The following SLC6A12 variants were observed in gnomAD, a reference collection of about 807,000 sequenced individuals.
SLC6A12 encodes sodium- and chloride-dependent betaine transporter.
Under a neutral mutation model 73.3 loss-of-function variants are expected in SLC6A12, and 50 were observed. That is an observed-to-expected ratio of 0.68 (90% CI 0.54 to 0.86). The LOEUF is 0.86. Ranked by LOEUF, SLC6A12 falls within the 40% of genes least tolerant of loss-of-function variation. The pLI, the probability that SLC6A12 is intolerant of heterozygous loss-of-function variation, is 0.00. For synonymous variants in SLC6A12, 304 were observed against 309.2 expected, an observed-to-expected ratio of 0.98 and a Z score of 0.18; for missense variants, 648 against 772.8, an observed-to-expected ratio of 0.84 and a Z score of 1.92.
chr12:191,249 G>A, intron 15 of SLC6A12, 38 bp from the exon 16 acceptor site: 3 of 1,257,220 alleles, frequency 2.4e-6, no homozygotes, highest in Non-Finnish European at 3.0e-6. Flanking sequence ...AGCTGATGGT[G>A]AGGGAGGCGC....
Position 196,333 on chromosome 12 carries a change from T to A in SLC6A12, c.1189-72A>T, listed in dbSNP as rs1939864593. On this transcript the variant is annotated intron_variant, in intron 11 of 15. Transcript: ENST00000684302. ...TTGGCCACCAGCCCTGGCCTCCACTTCCCCTGGCTCATCCACACTGATGCA... is the reference window on the plus strand; with the variant it reads ...TTGGCCACCAGCCCTGGCCTCCACTACCCCTGGCTCATCCACACTGATGCA... 3 of 1,524,536 alleles carry A rather than the reference T, an allele frequency of 2.0e-6. No homozygotes were observed. The Admixed American group carries it at 5.9e-5, about 30-fold the overall frequency. The allele number at this position is 1,524,536 out of a possible 1,614,324, so 94.4% of individuals were successfully genotyped here. A position where few individuals can be genotyped will look rare whatever the true frequency, so the allele number is the denominator to read the frequency against.
intron 3 of SLC6A12, among the ~76,000 whole-genome samples, chr12:207,708 C>T (rs370360230): frequency 2.9e-4 from 44 of 152,144 alleles, no homozygotes; most frequent in African/African-American, 1.0e-3. Flanking sequence ...CATCCTGTTT[C>T]CACATCCATC....
At chr12:186,491 G>A (rs968497816), downstream of SLC6A12, among the ~76,000 whole-genome samples, 1 of 152,218 alleles carries the variant, frequency 6.6e-6, no homozygotes, top group African/African-American at 2.4e-5. Context: ...ACTTGGCTGG[G>A]CATTTCTGGC....
At chr12:211,850 GAC>G (rs773172132) in intron 2 of SLC6A12, among the ~76,000 whole-genome samples, 174 bp downstream of exon 2, 23 of 152,170 alleles carry the variant, frequency 1.5e-4, no homozygotes, top group Non-Finnish European at 2.9e-4. Flanking sequence ...GTATGTTAAA[GAC>G]AGGCACTCTT....
rs748470302 is a variant in SLC6A12, at chr12:202,854, C to T, written c.376G>A (p.Glu126Lys). ...QGIGLASVVI[E>K]SYLNVYYIII... is the part of the protein sequence containing the mutation. ...ATGTAGTAGACATTCAAATATGACT[C>T]GATGACCACAGATGCCAGACCAATG... Residue 126 changes from glutamate to lysine, a missense_variant, in exon 5 of 16, where the codon GAG becomes AAG. By Grantham distance (56) the Glu-to-Lys change is moderately conservative (BLOSUM62 1). Transcript: ENST00000684302. The T allele has an allele frequency of 1.7e-5, 28 of 1,613,712 alleles. No individual in the cohort carries two copies. The highest frequency in any genetic ancestry group is 1.6e-4 in the Middle Eastern group (1 of 6,082).
At chr12:185,555 C>T (rs557273716), downstream of SLC6A12, among the ~76,000 whole-genome samples, 3 of 152,340 alleles carry the variant, frequency 2.0e-5, no homozygotes, top group East Asian at 1.9e-4. Context: ...CCAGAAGTTC[C>T]GGCTAGACTC....
chr12:198,745 C>A lies in SLC6A12; in HGVS notation c.846+52G>T. The A allele has an allele frequency of 6.3e-7, 1 of 1,584,276 alleles. No individual in the cohort carries two copies. The highest frequency in any genetic ancestry group is 8.7e-7 in the Non-Finnish European group (1 of 1,156,026). ...TATACAAGACTTTCAAAACTACAGA[C>A]CTGGCTGGGTGGGGAAGGCACCTGG... On this transcript the variant is annotated intron_variant, in intron 8 of 15. Coordinates refer to ENST00000684302, the MANE Select transcript of SLC6A12 (RefSeq NM_001122848.3). The surrounding 1 kb of genome is among the most constrained non-coding windows in gnomAD (Gnocchi z 4.0).
In SLC6A12 at chr12:213,139, TGCTCCCCAGTCCA is replaced by T. The variant is rs1210553334; in HGVS notation, c.-143+770_-143+782del. ...GCTGGGATCCCAGCTCTGTCCCCTT[TGCTCCCCAGTCCA>T]GCATAGGAATAGCTCAGACCCTGCA... On this transcript the variant is annotated intron_variant, in intron 1 of 15. Transcript: ENST00000684302. This position sits in a 1 kb window ranked among gnomAD's most constrained non-coding sequence, Gnocchi z 5.3. 6.6e-6 allele frequency among the ~76,000 whole-genome samples: 1 copy of T among 152,078 alleles called. No homozygotes were observed. The highest frequency in any genetic ancestry group is 1.5e-5 in the Non-Finnish European group (1 of 67,976).
At chr12:189,479 A>T (rs1229844053), downstream of SLC6A12, among the ~76,000 whole-genome samples, 4 of 152,186 alleles carry the variant, frequency 2.6e-5, no homozygotes, top group African/African-American at 9.6e-5. Flanking sequence ...AGAAGCTAAG[A>T]GTACCTGAGG....
Position 197,968 on chromosome 12 carries a change from G to T in SLC6A12, c.882C>A (p.Ser294=). 6.2e-7 allele frequency: 1 copy of T among 1,611,766 alleles called. No homozygotes were observed. The highest frequency in any genetic ancestry group is 1.1e-5 in the South Asian group (1 of 91,020). Residue 294 remains serine, a synonymous_variant, in exon 9 of 16, where the codon TCC becomes TCA. Coordinates refer to ENST00000684302, the MANE Select transcript of SLC6A12 (RefSeq NM_001122848.3). ...WMDAGTQIFF[S]FAICQGCLTA... is the part of the protein sequence containing the mutation. The stretch of plus-strand genomic sequence containing the variant: ...TCAGGCACCCCTGGCAGATGGCAAA[G>T]GAGAAGAAGATCTGGGTGCCCGCAT...
At chr12:210,504 G>T in intron 2 of SLC6A12, 2 of 584,362 alleles carry the variant, frequency 3.4e-6, no homozygotes, top group Non-Finnish European at 4.4e-6. Context: ...TTCTCTCCTA[G>T]CCAGCTGTGT....
intron 7 of SLC6A12, among the ~76,000 whole-genome samples, chr12:200,407 A>C (rs216241): frequency 0.64 from 97,691 of 152,076 alleles, 31,512 homozygotes; most frequent in East Asian, 0.69. Flanking sequence ...TGCACCCGGC[A>C]GCCCTGAATA....
intron 3 of SLC6A12, among the ~76,000 whole-genome samples, chr12:207,577 A>C (rs941556049): frequency 2.6e-5 from 4 of 152,238 alleles, no homozygotes; most frequent in African/African-American, 9.6e-5. Context: ...TATATTAATA[A>C]AATTATATTT....
Position 191,197 on chromosome 12 carries a change from G to A in SLC6A12, c.1716C>T (p.Leu572=), listed in dbSNP as rs1352561511. The change falls in exon 16 of 16, where the codon CTC becomes CTT. Residue 572 remains leucine (L), a synonymous_variant. Coordinates refer to ENST00000684302, the MANE Select transcript of SLC6A12 (RefSeq NM_001122848.3). ...RGPFRKRLRQ[L]ITPDSSLPQP... ...GTGGCAGACTGGAGTCAGGGGTGAT[G>A]AGCTGACGCAGACGCTGTGGAGAGA... The A allele has an allele frequency of 2.3e-6, 3 of 1,283,912 alleles. No individual in the cohort carries two copies. Among genetic ancestry groups the A allele is most frequent in the East Asian group, 6.1e-5 (2 of 33,044 alleles). The allele number at this position is 1,283,912 out of a possible 1,614,324, so 79.5% of individuals were successfully genotyped here.
chr12:188,041 C>T (rs1236578389), downstream of SLC6A12, among the ~76,000 whole-genome samples: 1 of 152,238 alleles, frequency 6.6e-6, no homozygotes, highest in East Asian at 1.9e-4. Context: ...GACTCAGGAG[C>T]CCAGCTGGCT....
chr12:189,787 G>A (rs1157676117), downstream of SLC6A12, among the ~76,000 whole-genome samples: 2 of 152,062 alleles, frequency 1.3e-5, no homozygotes, highest in African/African-American at 4.8e-5. Flanking sequence ...GGAGTGGGTG[G>A]GAAACGGGTG....
chr12:184,930 C>CT, the SLC6A12 span, among the ~76,000 whole-genome samples: 11 of 135,006 alleles, frequency 8.1e-5, no homozygotes, highest in Admixed American at 1.5e-4. Context: ...GAAACTGTCT[C>CT]AAAAAAAAAA....
intron 3 of SLC6A12, among the ~76,000 whole-genome samples, chr12:208,694 G>A (rs1471129630): frequency 6.6e-6 from 1 of 152,160 alleles, no homozygotes; most frequent in Non-Finnish European, 1.5e-5. Context: ...GGGCTGGCAG[G>A]GAGAGGGAAT....
chr12:188,440 TC>T (rs1233301636), downstream of SLC6A12, among the ~76,000 whole-genome samples: 1 of 151,736 alleles, frequency 6.6e-6, no homozygotes, highest in African/African-American at 2.4e-5. Context: ...CAGCCCCGCT[TC>T]CCGCCAGCGC....
Sources: allele counts gnomAD v4.1 joint callset (sites outside exome capture counted in the v4.1 genomes callset), GRCh38; gene constraint gnomAD v4.1.1; non-coding constraint Gnocchi (gnomAD v3.1); transcripts MANE v1.5; gene names NCBI Gene and HGNC (gene_info 2026-07-23, HGNC 2026-07-21).